Variants in SUGCT observed in about 807,000 individuals in gnomAD.
SUGCT encodes the protein succinyl-CoA:glutarate-CoA transferase, also known as succinyl-CoA:glutarate CoA-transferase.
SUGCT carries 41 observed loss-of-function variants against 55.0 expected under a neutral mutation model. The observed-to-expected ratio is 0.74, with a 90% CI of 0.58 to 0.97. The LOEUF is 0.97. SUGCT is among the 50% of genes least tolerant of loss of function. The pLI, the probability that SUGCT is intolerant of heterozygous loss-of-function variation, is 0.00. For synonymous variants in SUGCT, 187 were observed against 200.4 expected, an observed-to-expected ratio of 0.93 and a Z score of 0.56; for missense variants, 568 against 547.8, an observed-to-expected ratio of 1.04 and a Z score of -0.37.
intron 11 of SUGCT, among the ~76,000 whole-genome samples, chr7:40,465,545 G>C (rs1790056959): frequency 6.6e-6 from 1 of 152,080 alleles, no homozygotes; most frequent in South Asian, 2.1e-4. Flanking sequence ...GGGAGGCGGA[G>C]GTTGCAGTGA....
At chr7:40,220,986 C>T (rs1787986101) in intron 6 of SUGCT, among the ~76,000 whole-genome samples, 1 of 152,146 alleles carries the variant, frequency 6.6e-6, no homozygotes, top group Non-Finnish European at 1.5e-5. Context: ...TTTTTAGAGT[C>T]AGTGTCTTTA....
intron 11 of SUGCT, among the ~76,000 whole-genome samples, chr7:40,492,366 A>ATT (rs1212931575): frequency 6.6e-6 from 1 of 152,172 alleles, no homozygotes; most frequent in Non-Finnish European, 1.5e-5. Flanking sequence ...TCAGAGGCAA[A>ATT]GCGTATGTTG....
At chr7:40,214,241 A>G (rs1787499248) in intron 6 of SUGCT, among the ~76,000 whole-genome samples, 1 of 152,186 alleles carries the variant, frequency 6.6e-6, no homozygotes, top group South Asian at 2.1e-4. Context: ...TGTCACTGAG[A>G]ATTCAACAAT....
chr7:40,757,103 T>C (rs1379484091), intron 13 of SUGCT, among the ~76,000 whole-genome samples: 1 of 151,964 alleles, frequency 6.6e-6, no homozygotes, highest in South Asian at 2.1e-4. Flanking sequence ...GTGCCTGGAG[T>C]CTTCTCTGGA....
intron 12 of SUGCT, among the ~76,000 whole-genome samples, chr7:40,718,441 T>A (rs1324425049): frequency 2.0e-5 from 3 of 152,232 alleles, no homozygotes; most frequent in Non-Finnish European, 4.4e-5. Context: ...ATCTTACTGT[T>A]TCCATAGGTA....
At chr7:40,779,641 G>T (rs1354988220) in intron 13 of SUGCT, among the ~76,000 whole-genome samples, 1 of 152,132 alleles carries the variant, frequency 6.6e-6, no homozygotes, top group Non-Finnish European at 1.5e-5. Flanking sequence ...TGAGGTATTT[G>T]TTTATTTTAT....
At chr7:41,018,774 A>G in the SUGCT span, among the ~76,000 whole-genome samples, 1 of 152,258 alleles carries the variant, frequency 6.6e-6, no homozygotes, top group Non-Finnish European at 1.5e-5. Context: ...ACTATTCTGC[A>G]ATATTATTTT....
chr7:40,181,087 T>C (rs1344469593), intron 2 of SUGCT, 89 bp downstream of exon 2: 4 of 901,040 alleles, frequency 4.4e-6, no homozygotes, highest in East Asian at 4.8e-5. Flanking sequence ...AAGAGACTTA[T>C]ATGCTTATGT....
the SUGCT span, among the ~76,000 whole-genome samples, chr7:40,879,882 G>C: frequency 6.6e-6 from 1 of 152,140 alleles, no homozygotes; most frequent in East Asian, 1.9e-4. Flanking sequence ...GCTGGTGATG[G>C]CATAGCTGAC....
chr7:40,660,595 C>CA (rs1402015354), intron 12 of SUGCT, among the ~76,000 whole-genome samples: 1 of 152,120 alleles, frequency 6.6e-6, no homozygotes, highest in Non-Finnish European at 1.5e-5. Flanking sequence ...AACTTGCACT[C>CA]ATCAGTTCTC....
intron 12 of SUGCT, among the ~76,000 whole-genome samples, chr7:40,502,723 C>CA (rs1297682923): frequency 1.3e-5 from 2 of 152,048 alleles, no homozygotes; most frequent in Non-Finnish European, 2.9e-5. Flanking sequence ...CTATTGGCTG[C>CA]AATGTTGGCG....
intron 13 of SUGCT, among the ~76,000 whole-genome samples, chr7:40,823,132 G>A (rs549346855): frequency 5.9e-5 from 9 of 152,224 alleles, no homozygotes; most frequent in Admixed American, 3.3e-4. Context: ...TGCTGCCATT[G>A]TATCATCTTA....
intron 8 of SUGCT, among the ~76,000 whole-genome samples, chr7:40,302,177 A>G (rs903719147): frequency 2.6e-5 from 4 of 152,254 alleles, no homozygotes; most frequent in African/African-American, 7.2e-5. Flanking sequence ...CCATCCTGCT[A>G]CTGATAATGC....
intron 12 of SUGCT, among the ~76,000 whole-genome samples, chr7:40,692,461 T>G (rs1784739868): frequency 6.6e-6 from 1 of 152,178 alleles, no homozygotes; most frequent in African/African-American, 2.4e-5. Flanking sequence ...ACAGTCCTGA[T>G]TTTTTGGACT....
the SUGCT span, among the ~76,000 whole-genome samples, chr7:40,976,845 G>A: frequency 3.3e-5 from 5 of 152,156 alleles, no homozygotes; most frequent in African/African-American, 4.8e-5. Context: ...CTCTCTAACA[G>A]GCTGTTCAAT....
chr7:41,038,503 T>A, the SUGCT span, among the ~76,000 whole-genome samples: 1 of 152,208 alleles, frequency 6.6e-6, no homozygotes, highest in Non-Finnish European at 1.5e-5. Context: ...ATATTTCACT[T>A]ACTCTTAATA....
intron 7 of SUGCT, among the ~76,000 whole-genome samples, chr7:40,238,946 G>T (rs999633901): frequency 6.6e-6 from 1 of 151,108 alleles, no homozygotes; most frequent in Admixed American, 6.6e-5. Context: ...TCAGCCTCCC[G>T]AGTAGCTGAG....
At chr7:40,574,124 G>A (rs1435029980) in intron 12 of SUGCT, among the ~76,000 whole-genome samples, 1 of 152,074 alleles carries the variant, frequency 6.6e-6, no homozygotes, top group Non-Finnish European at 1.5e-5. Context: ...CAAGTCCTCT[G>A]TGAGTCTCTG....
At chr7:40,602,924 A>C (rs1170288657) in intron 12 of SUGCT, among the ~76,000 whole-genome samples, 3 of 152,188 alleles carry the variant, frequency 2.0e-5, no homozygotes, top group South Asian at 2.1e-4. Flanking sequence ...GAAATTTCCC[A>C]AACAGTCTTG....
Sources: gnomAD v4.1 joint callset for allele counts (sites outside exome capture counted in the v4.1 genomes callset) on GRCh38, gnomAD v4.1.1 for gene constraint, MANE v1.5 for transcripts, NCBI Gene and HGNC (gene_info 2026-07-23, HGNC 2026-07-21) for gene names.